Variants in GID4 observed in about 807,000 individuals in gnomAD.
GID4 encodes the protein glucose-induced degradation protein 4 homolog.
A neutral mutation model predicts 32.4 loss-of-function variants in GID4; 7 were observed. That is an observed-to-expected ratio of 0.22 (90% CI 0.12 to 0.41). GID4 has a LOEUF of 0.41. Ranked by LOEUF, GID4 falls within the 10% of genes least tolerant of loss-of-function variation. GID4 has a pLI of 1.00. For synonymous variants in GID4, 166 were observed against 170.0 expected, an observed-to-expected ratio of 0.98 and a Z score of 0.18; for missense variants, 309 against 400.0, an observed-to-expected ratio of 0.77 and a Z score of 1.94.
chr17:18,056,473 G>A (rs2044968226), intron 3 of GID4, among the ~76,000 whole-genome samples: 1 of 152,150 alleles, frequency 6.6e-6, no homozygotes, highest in Admixed American at 6.5e-5. Context: ...TTCCTGCATG[G>A]CTTGCTGCCT....
At chr17:18,048,636 T>A (rs1269958674) in intron 2 of GID4, among the ~76,000 whole-genome samples, 1 of 152,118 alleles carries the variant, frequency 6.6e-6, no homozygotes, top group African/African-American at 2.4e-5. Flanking sequence ...AAAATATCAA[T>A]TTTTTATTTT....
intron 5 of GID4, 107 bp from the exon 6 acceptor site, chr17:18,065,073 C>T: frequency 1.3e-6 from 1 of 776,686 alleles, no homozygotes; most frequent in East Asian, 2.5e-5. Flanking sequence ...CATTTCAGTC[C>T]AAGTATGTGA....
intron 2 of GID4, among the ~76,000 whole-genome samples, chr17:18,051,149 A>G (rs1166706406): frequency 6.6e-6 from 1 of 152,194 alleles, no homozygotes; most frequent in Non-Finnish European, 1.5e-5. Context: ...TGTTTTAATC[A>G]TATTAGGACC....
chr17:18,058,524 C>T (rs2044990700), intron 3 of GID4, among the ~76,000 whole-genome samples: 1 of 152,212 alleles, frequency 6.6e-6, no homozygotes, highest in Non-Finnish European at 1.5e-5. Context: ...TTCGGATTTA[C>T]TTGCAGAGGT....
At chr17:18,041,205 C>A (rs763835060) in intron 1 of GID4, among the ~76,000 whole-genome samples, 4 of 152,118 alleles carry the variant, frequency 2.6e-5, no homozygotes, top group Non-Finnish European at 4.4e-5. Context: ...GCCTCCCCCC[C>A]GCCCCACCCC....
At position 18,039,754 on chromosome 17, in the gene GID4, C is replaced by T. The variant is rs2145540383; in HGVS notation, c.290C>T (p.Ser97Phe). Residue 97 changes from serine (S) to phenylalanine (F), a missense_variant, in exon 1 of 6, where the codon TCC (serine) becomes TTC (phenylalanine). Ser to Phe is a radical substitution (Grantham distance 155). This residue lies in a region of GID4 where 193 missense variants were observed against 185.8 expected (regional missense o/e 1.04). Coordinates refer to ENST00000268719, the MANE Select transcript of GID4 (RefSeq NM_024052.5). The surrounding 1 kb of genome is among the most constrained non-coding windows in gnomAD (Gnocchi z 5.3). ...GAGTGTCCCCCGCCGGCCGGTGCCT[C>T]CGCTGCCTCCGCGGCCTCACTCATC... ...RTECPPPAGA[S>F]AASAASLIPP... 1.3e-6 allele frequency: 2 copies of T among 1,559,562 alleles called. No homozygotes were observed. The highest frequency in any genetic ancestry group is 2.5e-5 in the East Asian group (1 of 39,742).
Position 18,065,548 on chromosome 17 carries a change from T to C in GID4, c.*305T>C. 1 of 361,738 alleles carries C rather than the reference T, an allele frequency of 2.8e-6. No individual in the cohort carries two copies. Among genetic ancestry groups the C allele is most frequent in the Non-Finnish European group, 5.2e-6 (1 of 191,318 alleles). The allele number at this position is 361,738 out of a possible 1,614,324, so 22.4% of individuals were successfully genotyped here. ...AACTTCTACATCACTGAAATGCCCA[T>C]TCCTTCCTCCGTCCCACCTCCAGCC... On this transcript the variant is annotated 3_prime_UTR_variant, in exon 6 of 6. Coordinates refer to ENST00000268719, the MANE Select transcript of GID4 (RefSeq NM_024052.5).
chr17:18,039,586 G>GCCCCTC lies in GID4; in HGVS notation c.125_130dup (p.Pro42_Ser43dup). Reference sequence around the variant, plus strand: ...CTCCGCAGGCAGCGGGCGGGTGGTCGCCCCTCCCGCCCCCACCCCGCGCGT... The same window carrying GCCCCTC: ...CTCCGCAGGCAGCGGGCGGGTGGTCGCCCCTCCCCCTCCCGCCCCCACCCCGCGCGT... On this transcript the variant is annotated inframe_insertion, in exon 1 of 6. Transcript: ENST00000268719. The surrounding 1 kb of genome is among the most constrained non-coding windows in gnomAD (Gnocchi z 5.3). 7.7e-7 allele frequency: 1 copy of GCCCCTC among 1,296,668 alleles called. No individual in the cohort carries two copies. The highest frequency in any genetic ancestry group is 9.7e-7 in the Non-Finnish European group (1 of 1,026,394). 80.3% of individuals were successfully genotyped at this position (1,296,668 alleles called of 1,614,324 possible).
At chr17:18,055,278 C>G (rs192572382) in intron 3 of GID4, among the ~76,000 whole-genome samples, 1 of 151,964 alleles carries the variant, frequency 6.6e-6, no homozygotes, top group East Asian at 1.9e-4. Context: ...AATGGGTTTA[C>G]CCTCCATAAA....
intron 3 of GID4, among the ~76,000 whole-genome samples, chr17:18,054,900 G>A (rs991304324): frequency 1.1e-4 from 16 of 152,118 alleles, no homozygotes; most frequent in African/African-American, 3.4e-4. Context: ...GGCTGGGCGC[G>A]TTGGCTTGCG....
Position 18,065,484 on chromosome 17 carries a change from T to C in GID4, c.*241T>C, listed in dbSNP as rs111656407. ...GTGGCAGTTTGGTCTTCACCTGTTT[T>C]TAAGCTACCTTAAACGCACTTTTCC... On this transcript the variant is annotated 3_prime_UTR_variant, in exon 6 of 6. Coordinates refer to ENST00000268719, the MANE Select transcript of GID4 (RefSeq NM_024052.5). 9.4e-6 allele frequency: 5 copies of C among 532,998 alleles called. No homozygotes were observed. The highest frequency in any genetic ancestry group is 5.7e-5 in the African/African-American group (3 of 52,180). The allele number at this position is 532,998 out of a possible 1,614,324, so 33.0% of individuals were successfully genotyped here.
chr17:18,039,499 A>T lies in GID4; in HGVS notation c.35A>T (p.Gln12Leu). ...CARGQVGRGT[Q>L]LRTGRPCSQV... ...CGAGGGCAAGTCGGGAGGGGGACCC[A>T]GCTCAGGACTGGGAGGCCCTGCTCG... Residue 12 changes from glutamine (Q) to leucine (L), a missense_variant, in exon 1 of 6, where the codon CAG (glutamine) becomes CTG (leucine). Gln to Leu is a moderately radical substitution (Grantham distance 113). This residue lies in a region of GID4 where 193 missense variants were observed against 185.8 expected (regional missense o/e 1.04). Transcript: ENST00000268719. This position sits in a 1 kb window ranked among gnomAD's most constrained non-coding sequence, Gnocchi z 5.3. The T allele has an allele frequency of 7.5e-7, 1 of 1,329,098 alleles. No homozygotes were observed. The highest frequency in any genetic ancestry group is 2.2e-5 in the South Asian group (1 of 46,392). The allele number at this position is 1,329,098 out of a possible 1,614,324, so 82.3% of individuals were successfully genotyped here. A position where few individuals can be genotyped will look rare whatever the true frequency, so the allele number is the denominator to read the frequency against.
chr17:18,056,773 T>G, intron 3 of GID4: 2 of 1,550,600 alleles, frequency 1.3e-6, no homozygotes, highest in South Asian at 2.4e-5. Flanking sequence ...AGAGAGGAAC[T>G]AAGAAGGCCA....
chr17:18,041,067 T>C (rs914635604), intron 1 of GID4, among the ~76,000 whole-genome samples: 1 of 152,102 alleles, frequency 6.6e-6, no homozygotes, highest in African/African-American at 2.4e-5. Context: ...TACCCCTGCC[T>C]GACTAAGGAC....
intron 2 of GID4, among the ~76,000 whole-genome samples, chr17:18,049,316 A>G (rs1055888332): frequency 6.6e-6 from 1 of 150,438 alleles, no homozygotes; most frequent in African/African-American, 2.5e-5. Flanking sequence ...AACCTCGGCA[A>G]CAGAGTGAGA....
chr17:18,065,062 G>T, intron 5 of GID4, 118 bp from the exon 6 acceptor site: 2 of 725,794 alleles, frequency 2.8e-6, no homozygotes, highest in Non-Finnish European at 5.0e-6. Flanking sequence ...AAATGAATGT[G>T]CATTTCAGTC....
intron 1 of GID4, among the ~76,000 whole-genome samples, chr17:18,040,692 C>G (rs981388780): frequency 6.6e-6 from 1 of 152,224 alleles, no homozygotes; most frequent in African/African-American, 2.4e-5. Context: ...TTCCTGGCCT[C>G]TATCCAGACT....
chr17:18,049,502 T>A (rs567479521), intron 2 of GID4, among the ~76,000 whole-genome samples: 12 of 152,298 alleles, frequency 7.9e-5, no homozygotes, highest in Middle Eastern at 3.4e-3. Flanking sequence ...GATAAACTTA[T>A]GTCACGGTTT....
chr17:18,045,477 G>A (rs1014038091), intron 2 of GID4, among the ~76,000 whole-genome samples: 2 of 151,980 alleles, frequency 1.3e-5, no homozygotes, highest in Non-Finnish European at 2.9e-5. Context: ...ATCCTTTTTG[G>A]GGGAAAAAAT....
Sources: allele counts gnomAD v4.1 joint callset (sites outside exome capture counted in the v4.1 genomes callset), GRCh38; gene constraint gnomAD v4.1.1; regional missense constraint gnomAD v4.1.1; non-coding constraint Gnocchi (gnomAD v3.1); transcripts MANE v1.5; gene names NCBI Gene and HGNC (gene_info 2026-07-23, HGNC 2026-07-21).